MESD: variants seen among roughly 807,000 people sequenced by gnomAD.
MESD encodes mesoderm development LRP chaperone.
Under a neutral mutation model 12.9 loss-of-function variants are expected in MESD, and 7 were observed. The observed-to-expected ratio is 0.54, with a 90% CI of 0.31 to 1.02. MESD has a LOEUF of 1.02. Among genes scored for constraint, MESD ranks in the 50% least tolerant of loss-of-function variants. MESD has a pLI of 0.05. For synonymous variants in MESD, 126 were observed against 115.6 expected (o/e 1.09, Z -0.58); for missense variants, 342 against 296.7 (o/e 1.15, Z -1.12).
At chr15:80,969,058 G>A (rs999306033) in intron 3 of MESD, among the ~76,000 whole-genome samples, 17 of 152,104 alleles carry the variant, frequency 1.1e-4, no homozygotes, top group Non-Finnish European at 2.9e-5. Context: ...GGGTGTGATG[G>A]TGCACACCTG....
At chr15:80,952,577 G>A (rs1254525661) in intron 3 of MESD, among the ~76,000 whole-genome samples, 2 of 151,740 alleles carry the variant, frequency 1.3e-5, no homozygotes, top group Non-Finnish European at 2.9e-5. Context: ...AGAGCTCCTG[G>A]GTCTTATGCA....
intron 3 of MESD, among the ~76,000 whole-genome samples, chr15:80,955,021 G>A (rs908088099): frequency 1.3e-5 from 2 of 152,142 alleles, no homozygotes; most frequent in African/African-American, 4.8e-5. Context: ...CATCAGCTGG[G>A]GGAGGTGGTT....
chr15:80,973,119 T>C (rs1216012289), downstream of MESD, among the ~76,000 whole-genome samples: 1 of 152,160 alleles, frequency 6.6e-6, no homozygotes, highest in African/African-American at 2.4e-5. Flanking sequence ...TGATGACAAA[T>C]ATGTGAATAT....
In MESD at chr15:80,989,745, G is replaced by A. The variant is rs771584647; in HGVS notation, c.47C>T (p.Ala16Val). Residue 16 changes from alanine (A) to valine (V), a missense_variant, in exon 1 of 3, where the codon GCC becomes GTC. Transcript: ENST00000261758. ...WARKAVVLLC[A>V]SDLLLLLLLL... Reference sequence around the variant, plus strand: ...TAGCAGCAGCAGCAGCAGGTCAGAGGCACAAAGCAGGACCACGGCCTTGCG... The same window carrying A: ...TAGCAGCAGCAGCAGCAGGTCAGAGACACAAAGCAGGACCACGGCCTTGCG... The A allele has an allele frequency of 2.5e-6, 4 of 1,603,014 alleles. No individual in the cohort carries two copies. In the South Asian group the frequency reaches 3.3e-5, roughly 13 times the overall value.
At chr15:80,981,025 C>T (rs2141811731) in intron 2 of MESD, among the ~76,000 whole-genome samples, 1 of 151,980 alleles carries the variant, frequency 6.6e-6, no homozygotes, top group East Asian at 2.0e-4. Flanking sequence ...AGGGTTTCCC[C>T]ACGTTGGCCA....
intron 1 of MESD, among the ~76,000 whole-genome samples, chr15:80,988,823 G>A (rs957980683): frequency 7.9e-5 from 12 of 152,296 alleles, no homozygotes; most frequent in African/African-American, 2.9e-4. Flanking sequence ...AGTCAACCAG[G>A]ACGATACAAT....
chr15:80,972,270 G>A (rs1902304387), downstream of MESD, among the ~76,000 whole-genome samples: 1 of 152,186 alleles, frequency 6.6e-6, no homozygotes, highest in Non-Finnish European at 1.5e-5. Flanking sequence ...CAAAACTCAG[G>A]AGGTCGAACA....
rs1902445249 is a variant in MESD, at chr15:80,977,374, T to C, written c.*1845A>G. 6.6e-6 allele frequency: 1 copy of C among 152,240 alleles called. No individual in the cohort carries two copies. The highest frequency in any genetic ancestry group is 1.5e-5 in the Non-Finnish European group (1 of 68,068). The allele number at this position is 152,240 out of a possible 1,614,324, so 9.4% of individuals were successfully genotyped here. A position where few individuals can be genotyped will look rare whatever the true frequency, so the allele number is the denominator to read the frequency against. Reference sequence around the variant, plus strand: ...GTTTTACGATAGCAGAGGCTGTATCTACACCGTCCTGGCACCTTGTAGTAC... The same window carrying C: ...GTTTTACGATAGCAGAGGCTGTATCCACACCGTCCTGGCACCTTGTAGTAC... On this transcript the variant is annotated 3_prime_UTR_variant, in exon 3 of 3. Transcript: ENST00000261758.
chr15:80,975,395 C>A (rs1323902814), downstream of MESD, among the ~76,000 whole-genome samples: 1 of 151,432 alleles, frequency 6.6e-6, no homozygotes, highest in Non-Finnish European at 1.5e-5. Context: ...TCTTAAAAAA[C>A]AAACAAACAA....
chr15:80,955,545 A>G (rs912233246), intron 3 of MESD, among the ~76,000 whole-genome samples: 6 of 151,446 alleles, frequency 4.0e-5, no homozygotes, highest in Non-Finnish European at 8.8e-5. Flanking sequence ...CAGCTGAATC[A>G]GAATCTGCAT....
At chr15:80,981,021 T>C (rs1005536268) in intron 2 of MESD, among the ~76,000 whole-genome samples, 4 of 151,662 alleles carry the variant, frequency 2.6e-5, no homozygotes, top group African/African-American at 9.7e-5. Context: ...AGACAGGGTT[T>C]CCCCACGTTG....
At chr15:80,987,750 A>G (rs1453051159) in intron 1 of MESD, among the ~76,000 whole-genome samples, 1 of 152,204 alleles carries the variant, frequency 6.6e-6, no homozygotes, top group East Asian at 1.9e-4. Context: ...TTGCCTCCCA[A>G]AGTGTTGGGA....
chr15:80,967,150 G>C (rs146305567), intron 3 of MESD, among the ~76,000 whole-genome samples: 8,905 of 152,080 alleles, frequency 0.059, 338 homozygotes, highest in Middle Eastern at 0.18. Flanking sequence ...AAATTAGCTG[G>C]GCATGGTGGT....
At chr15:80,965,385 G>A (rs1242354992) in intron 3 of MESD, among the ~76,000 whole-genome samples, 1 of 152,206 alleles carries the variant, frequency 6.6e-6, no homozygotes, top group Non-Finnish European at 1.5e-5. Flanking sequence ...TATTGTAGAA[G>A]ACAGTGTGGC....
chr15:80,947,284 G>T, downstream of MESD: 1 of 517,684 alleles, frequency 1.9e-6, no homozygotes, highest in Non-Finnish European at 3.5e-6. Context: ...ATTATAACTT[G>T]CCACCAGCCA....
At chr15:80,963,004 T>G (rs903350096) in intron 3 of MESD, among the ~76,000 whole-genome samples, 1 of 150,934 alleles carries the variant, frequency 6.6e-6, no homozygotes, top group Non-Finnish European at 1.5e-5. Context: ...CTGAAGGAGA[T>G]AGAGACACAA....
Position 80,976,751 on chromosome 15 carries a change from A to G in MESD, c.*2468T>C, listed in dbSNP as rs1412529789. 2 of 152,204 alleles carry G rather than the reference A, an allele frequency of 1.3e-5. No homozygotes were observed. The highest frequency in any genetic ancestry group is 2.9e-5 in the Non-Finnish European group (2 of 68,044). The allele number at this position is 152,204 out of a possible 1,614,324, so 9.4% of individuals were successfully genotyped here. ...CAGATATAAACAAAAGTGTACCGAA[A>G]TATTTTGTATGAAAATGTCCACTGC... On this transcript the variant is annotated 3_prime_UTR_variant, in exon 3 of 3. Coordinates refer to ENST00000261758, the MANE Select transcript of MESD (RefSeq NM_015154.3).
chr15:80,954,220 G>A (rs1019645156), intron 3 of MESD, among the ~76,000 whole-genome samples: 14 of 152,116 alleles, frequency 9.2e-5, no homozygotes, highest in African/African-American at 1.2e-4. Flanking sequence ...TTGATATTGC[G>A]CCCCCTGTCC....
chr15:80,964,386 C>A (rs569609155), intron 3 of MESD, among the ~76,000 whole-genome samples: 277 of 152,338 alleles, frequency 1.8e-3, no homozygotes, highest in Non-Finnish European at 2.6e-3. Context: ...AAAGGCCATA[C>A]TGCCCAAAGT....
Sources: allele counts gnomAD v4.1 joint callset (sites outside exome capture counted in the v4.1 genomes callset), GRCh38; gene constraint gnomAD v4.1.1; transcripts MANE v1.5; gene names NCBI Gene and HGNC (gene_info 2026-07-23, HGNC 2026-07-21).